The following CNTNAP2 variants were observed in gnomAD, a reference collection of about 807,000 sequenced individuals.
CNTNAP2 encodes the protein contactin-associated protein-like 2.
In CNTNAP2, 98 loss-of-function variants were observed where a neutral mutation model predicts 155.2. The observed-to-expected ratio is 0.63, with a 90% CI of 0.54 to 0.75. The LOEUF is 0.75. CNTNAP2 is among the 30% of genes least tolerant of loss of function. The pLI, the probability that CNTNAP2 is intolerant of heterozygous loss-of-function variation, is 0.00. For missense variants in CNTNAP2, 1,727 were observed against 1,688.1 expected, an observed-to-expected ratio of 1.02 and a Z score of -0.40; for synonymous variants, 651 against 631.2, an observed-to-expected ratio of 1.03 and a Z score of -0.47.
At chr7:146,540,460 G>A (rs901525858) in intron 1 of CNTNAP2, among the ~76,000 whole-genome samples, 1 of 152,026 alleles carries the variant, frequency 6.6e-6, no homozygotes, top group African/African-American at 2.4e-5. Flanking sequence ...ATAAAAGGCT[G>A]ATAACAGAAA....
At chr7:147,778,873 A>C (rs1285141624) in intron 13 of CNTNAP2, among the ~76,000 whole-genome samples, 1 of 152,212 alleles carries the variant, frequency 6.6e-6, no homozygotes, top group Non-Finnish European at 1.5e-5. Flanking sequence ...TGTAACAAAC[A>C]TAGGAATTTT....
At chr7:147,348,902 C>T (rs1266431804) in intron 9 of CNTNAP2, among the ~76,000 whole-genome samples, 1 of 151,958 alleles carries the variant, frequency 6.6e-6, no homozygotes, top group Non-Finnish European at 1.5e-5. Context: ...TTCACCACCA[C>T]ATGTTCTCAC....
intron 13 of CNTNAP2, among the ~76,000 whole-genome samples, chr7:147,725,046 A>T (rs1374539532): frequency 6.6e-6 from 1 of 151,950 alleles, no homozygotes; most frequent in Non-Finnish European, 1.5e-5. Flanking sequence ...CAGCAGAAAA[A>T]CATGGTGTTG....
At chr7:148,179,793 T>C (rs1348067612) in intron 18 of CNTNAP2, among the ~76,000 whole-genome samples, 1 of 151,736 alleles carries the variant, frequency 6.6e-6, no homozygotes, top group African/African-American at 2.4e-5. Flanking sequence ...AAAAGAAAGG[T>C]CCCAGACTCC....
intron 1 of CNTNAP2, among the ~76,000 whole-genome samples, chr7:146,224,591 CA>C (rs35333614): frequency 0.18 from 26,453 of 148,188 alleles, 2,583 homozygotes; most frequent in African/African-American, 0.27. Context: ...ACAAAAAATA[CA>C]AAAAAAAAAA....
At chr7:147,136,362 C>T (rs147351979) in intron 8 of CNTNAP2, among the ~76,000 whole-genome samples, 12 of 152,060 alleles carry the variant, frequency 7.9e-5, no homozygotes, top group Admixed American at 2.6e-4. Context: ...CTTCAATTTT[C>T]GAATGGCTGT....
chr7:147,819,817 T>C (rs752042568), intron 13 of CNTNAP2, among the ~76,000 whole-genome samples: 25 of 152,052 alleles, frequency 1.6e-4, no homozygotes, highest in Non-Finnish European at 2.9e-4. Context: ...GAGGTCTGAC[T>C]TTCTGCATCA....
chr7:146,912,771 G>A (rs1006415961), intron 3 of CNTNAP2, among the ~76,000 whole-genome samples: 5 of 152,042 alleles, frequency 3.3e-5, no homozygotes, highest in Admixed American at 6.6e-5. Context: ...ATTTGACTGC[G>A]GGAATGAAAA....
chr7:146,623,748 T>C (rs1389586823), intron 1 of CNTNAP2, among the ~76,000 whole-genome samples: 5 of 152,194 alleles, frequency 3.3e-5, no homozygotes, highest in Admixed American at 2.0e-4. Context: ...TTCAATTCAG[T>C]TGAGTAAATA....
chr7:146,923,693 T>A (rs1796550049), intron 3 of CNTNAP2, among the ~76,000 whole-genome samples: 1 of 152,156 alleles, frequency 6.6e-6, no homozygotes, highest in Non-Finnish European at 1.5e-5. Flanking sequence ...TGGATTTTGC[T>A]CCTGTTATTA....
intron 13 of CNTNAP2, among the ~76,000 whole-genome samples, chr7:147,670,975 G>T (rs1357449032): frequency 6.6e-6 from 1 of 152,194 alleles, no homozygotes; most frequent in Non-Finnish European, 1.5e-5. Flanking sequence ...AGGGGTCATG[G>T]GCATCACGCC....
intron 9 of CNTNAP2, among the ~76,000 whole-genome samples, chr7:147,363,272 C>T (rs1157466973): frequency 6.6e-5 from 10 of 152,202 alleles, no homozygotes; most frequent in Admixed American, 6.5e-4. Flanking sequence ...AGCCGGAATG[C>T]AGGCCCTCTC....
At chr7:146,851,690 G>GTGTGTGTGTGTGTGTGTGTT (rs1794882451) in intron 3 of CNTNAP2, among the ~76,000 whole-genome samples, 1 of 120,564 alleles carries the variant, frequency 8.3e-6, no homozygotes, top group African/African-American at 2.9e-5. Context: ...GTGTGTGTGT[G>GTGTGTGTGTGTGTGTGTGTT]TGTGTGTGTG....
chr7:147,755,604 A>C (rs904841860), intron 13 of CNTNAP2, among the ~76,000 whole-genome samples: 1 of 152,304 alleles, frequency 6.6e-6, no homozygotes, highest in Non-Finnish European at 1.5e-5. Flanking sequence ...GAGAGCCAAA[A>C]TCATGCCACT....
intron 1 of CNTNAP2, among the ~76,000 whole-genome samples, chr7:146,530,331 A>G (rs1469418922): frequency 6.6e-6 from 1 of 152,220 alleles, no homozygotes; most frequent in Non-Finnish European, 1.5e-5. Flanking sequence ...CAAAGATTTC[A>G]TGATGGTGAC....
At chr7:146,688,530 G>T (rs1454714341) in intron 1 of CNTNAP2, among the ~76,000 whole-genome samples, 2 of 152,112 alleles carry the variant, frequency 1.3e-5, no homozygotes, top group Non-Finnish European at 2.9e-5. Context: ...TTGTGGGCAG[G>T]GGCAGGGGTC....
At chr7:147,443,257 G>A (rs1403357467) in intron 10 of CNTNAP2, among the ~76,000 whole-genome samples, 3 of 152,158 alleles carry the variant, frequency 2.0e-5, no homozygotes, top group African/African-American at 7.2e-5. Context: ...CCATGGGTGG[G>A]TGTCAGCGGA....
chr7:146,886,791 A>G (rs1316163793), intron 3 of CNTNAP2, among the ~76,000 whole-genome samples: 3 of 150,252 alleles, frequency 2.0e-5, no homozygotes, highest in African/African-American at 7.4e-5. Flanking sequence ...CTCCTATGTC[A>G]TGAGTGAATT....
rs1400140303 is a variant in CNTNAP2 at position 148,061,950 on chromosome 7, C to T, written c.2384-56168C>T. On this transcript the variant is annotated intron_variant, in intron 15 of 23. Coordinates refer to ENST00000361727, the MANE Select transcript of CNTNAP2 (RefSeq NM_014141.6). The stretch of plus-strand genomic sequence containing the variant: ...ATAGATAGATAGATAGATAGATAAA[C>T]AGATATAGATAGATAGATAGATAGA... 7.7e-3 allele frequency among the ~76,000 whole-genome samples: 805 copies of T among 103,978 alleles called. 7 individuals are homozygous for T. Among genetic ancestry groups the T allele is most frequent in the South Asian group, 0.014 (44 of 3,050 alleles). 68.2% of individuals were successfully genotyped at this position (103,978 alleles called of 152,430 possible).
Sources: gnomAD v4.1 joint callset for allele counts (sites outside exome capture counted in the v4.1 genomes callset) on GRCh38, gnomAD v4.1.1 for gene constraint, MANE v1.5 for transcripts, NCBI Gene and HGNC (gene_info 2026-07-23, HGNC 2026-07-21) for gene names.